The following SLC44A3 variants were observed in gnomAD, a reference collection of about 807,000 sequenced individuals.
The protein encoded by SLC44A3 is solute carrier family 44 member 3.
SLC44A3 carries 74 observed loss-of-function variants against 75.4 expected under a neutral mutation model. The ratio of observed to expected loss-of-function variants is 0.98; its 90% CI spans 0.81 to 1.19. SLC44A3 has a LOEUF of 1.19. Ranked by LOEUF, SLC44A3 falls within the 50% of genes most tolerant of loss-of-function variation. SLC44A3 has a pLI of 0.00. For synonymous variants in SLC44A3, 310 were observed against 296.9 expected (o/e 1.04, Z -0.45); for missense variants, 700 against 778.6 (o/e 0.90, Z 1.20).
At chr1:94,877,635 T>C (rs898893923) in intron 12 of SLC44A3, among the ~76,000 whole-genome samples, 1 of 152,110 alleles carries the variant, frequency 6.6e-6, no homozygotes, top group African/African-American at 2.4e-5. Flanking sequence ...AGGAAGCGGC[T>C]AAGAGAATTT....
chr1:94,827,976 G>T (rs1018691913), intron 4 of SLC44A3, among the ~76,000 whole-genome samples: 1 of 152,132 alleles, frequency 6.6e-6, no homozygotes, highest in African/African-American at 2.4e-5. Flanking sequence ...CTCCATGCAC[G>T]TGGGCACATC....
chr1:94,889,552 AC>A lies in SLC44A3; in HGVS notation c.1483-1577del, dbSNP rs150487032. Among the ~76,000 whole-genome samples the A allele has an allele frequency of 9.0e-5, 7 of 77,812 alleles. No individual in the cohort carries two copies. The East Asian group carries it at 1.4e-3, about 16-fold the overall frequency. The allele number at this position is 77,812 out of a possible 152,430, so 51.0% of individuals were successfully genotyped here. ...CACACACACACACACACACACACACACATTTGTAGTCTTTGATATAGTAATC... is the reference window on the plus strand; with the variant it reads ...CACACACACACACACACACACACACAATTTGTAGTCTTTGATATAGTAATC... On this transcript the variant is annotated intron_variant, in intron 12 of 14. Transcript: ENST00000271227.
intron 5 of SLC44A3, among the ~76,000 whole-genome samples, chr1:94,831,498 C>A (rs1662126414): frequency 1.3e-5 from 2 of 152,112 alleles, no homozygotes; most frequent in South Asian, 4.1e-4. Context: ...TATAACGTAC[C>A]CTTTTCGAGT....
At position 94,849,319 on chromosome 1, in the gene SLC44A3, A is replaced by G. The variant is rs111595728; in HGVS notation, c.1072+3855A>G. On this transcript the variant is annotated intron_variant, in intron 9 of 14. Coordinates refer to ENST00000271227, the MANE Select transcript of SLC44A3 (RefSeq NM_001114106.3). ...TGAGCAGGTCGATTTTAGGCTTCTC[A>G]GGAGAGAAGGTGCTACGCAGAGCCA... Among the ~76,000 whole-genome samples the G allele has an allele frequency of 5.1e-3, 770 of 152,250 alleles. 7 individuals carry two copies. Among genetic ancestry groups the G allele is most frequent in the African/African-American group, 0.018 (736 of 41,546 alleles).
At chr1:94,872,096 T>TTTTTTTA (rs1188361247) in intron 12 of SLC44A3, among the ~76,000 whole-genome samples, 3 of 152,168 alleles carry the variant, frequency 2.0e-5, no homozygotes, top group Non-Finnish European at 4.4e-5. Context: ...ATTCCATTTA[T>TTTTTTTA]TTTTTTATTT....
At chr1:94,841,966 G>A (rs758657833) in intron 7 of SLC44A3, 34 bp from the exon 8 acceptor site, 5 of 1,581,170 alleles carry the variant, frequency 3.2e-6, no homozygotes, top group African/African-American at 2.7e-5. Context: ...CTCATGGCGT[G>A]TGCCCTGAGC....
chr1:94,888,430 A>T (rs1669836396), intron 12 of SLC44A3, among the ~76,000 whole-genome samples: 2 of 152,158 alleles, frequency 1.3e-5, no homozygotes, highest in Admixed American at 1.3e-4. Flanking sequence ...TTGAGGATGA[A>T]TGAATAGATT....
chr1:94,842,035 T>C lies in SLC44A3; in HGVS notation c.796T>C (p.Tyr266His). The C allele has an allele frequency of 6.2e-7, 1 of 1,613,622 alleles. No homozygotes were observed. ...TGTTTTATGGTGGCTGTATTATGAC[T>C]ATACCAACGACCTCAGCATAGAATT... ...CGVLWWLYYD[Y>H]TNDLSIELDT... Residue 266 changes from tyrosine (Y) to histidine (H), a missense_variant, in exon 8 of 15, where the codon TAT becomes CAT. By Grantham distance (83) the Tyr-to-His change is moderately conservative. Coordinates refer to ENST00000271227, the MANE Select transcript of SLC44A3 (RefSeq NM_001114106.3).
intron 12 of SLC44A3, among the ~76,000 whole-genome samples, chr1:94,873,910 G>A (rs1050489538): frequency 2.0e-5 from 3 of 152,210 alleles, no homozygotes; most frequent in African/African-American, 7.2e-5. Context: ...TGCCATAATA[G>A]GTAGTCTCAT....
chr1:94,857,779 A>G (rs1210484587), intron 10 of SLC44A3, among the ~76,000 whole-genome samples: 4 of 151,250 alleles, frequency 2.6e-5, no homozygotes, highest in Non-Finnish European at 5.9e-5. Flanking sequence ...CTTGAAAGAT[A>G]AAAAGGGGCT....
At chr1:94,880,451 A>G (rs1321949393) in intron 12 of SLC44A3, among the ~76,000 whole-genome samples, 1 of 152,214 alleles carries the variant, frequency 6.6e-6, no homozygotes, top group Non-Finnish European at 1.5e-5. Flanking sequence ...AAAAGGACGA[A>G]TACTGTATGA....
intron 12 of SLC44A3, among the ~76,000 whole-genome samples, chr1:94,871,862 T>C (rs10493878): frequency 0.18 from 26,719 of 152,270 alleles, 2,386 homozygotes; most frequent in East Asian, 0.23. Context: ...TCCAAATTGG[T>C]GTCTTAACAT....
intron 12 of SLC44A3, among the ~76,000 whole-genome samples, chr1:94,883,864 G>A (rs1009160744): frequency 2.6e-5 from 4 of 152,102 alleles, no homozygotes; most frequent in Non-Finnish European, 5.9e-5. Flanking sequence ...ATACCATGGA[G>A]AGTATGAGTT....
At chr1:94,878,063 T>C (rs1668497612) in intron 12 of SLC44A3, among the ~76,000 whole-genome samples, 1 of 151,932 alleles carries the variant, frequency 6.6e-6, no homozygotes, top group Non-Finnish European at 1.5e-5. Context: ...TGAAACCCCG[T>C]CTCTACTAAA....
chr1:94,862,935 T>C (rs1015850227), intron 10 of SLC44A3, among the ~76,000 whole-genome samples: 18 of 152,284 alleles, frequency 1.2e-4, no homozygotes, highest in African/African-American at 4.3e-4. Flanking sequence ...GTTTGGCTGG[T>C]TGTGAGGGAG....
chr1:94,861,339 C>G (rs531131000), intron 10 of SLC44A3, among the ~76,000 whole-genome samples: 1 of 152,038 alleles, frequency 6.6e-6, no homozygotes, highest in Non-Finnish European at 1.5e-5. Flanking sequence ...AGCCAAAAAA[C>G]CAAGAAATAG....
At chr1:94,852,803 A>C (rs1665385864) in intron 9 of SLC44A3, among the ~76,000 whole-genome samples, 1 of 152,188 alleles carries the variant, frequency 6.6e-6, no homozygotes, top group South Asian at 2.1e-4. Flanking sequence ...GAAGACTCTG[A>C]GGGATTTTGG....
At position 94,827,623 on chromosome 1, in the gene SLC44A3, A is replaced by G; in HGVS notation, c.395A>G (p.Gln132Arg). The G allele has an allele frequency of 6.2e-7, 1 of 1,614,184 alleles. No individual in the cohort carries two copies. The highest frequency in any genetic ancestry group is 8.5e-7 in the Non-Finnish European group (1 of 1,180,024). ...CAGCTTGACTCCCTGGAAGAGGTCCAGTTCTTTGCAAACACCAGTGGTAGG... is the reference window on the plus strand; with the variant it reads ...CAGCTTGACTCCCTGGAAGAGGTCCGGTTCTTTGCAAACACCAGTGGTAGG... ...EEQLDSLEEVQFFANTSGSFL... is the reference protein window; with the variant it reads ...EEQLDSLEEVRFFANTSGSFL... The change falls in exon 4 of 15, where the codon CAG (glutamine) becomes CGG (arginine). Residue 132 changes from glutamine to arginine, a missense_variant. Physicochemically the swap from Gln to Arg is conservative, Grantham distance 43. Coordinates refer to ENST00000271227, the MANE Select transcript of SLC44A3 (RefSeq NM_001114106.3).
chr1:94,894,530 TTCTTCAAGC>T (rs1670566832), intron 14 of SLC44A3, among the ~76,000 whole-genome samples: 1 of 152,184 alleles, frequency 6.6e-6, no homozygotes. Flanking sequence ...CCACTAAGTG[TTCTTCAAGC>T]TCATTAAACT....
Sources: gnomAD v4.1 joint callset for allele counts (sites outside exome capture counted in the v4.1 genomes callset) on GRCh38, gnomAD v4.1.1 for gene constraint, MANE v1.5 for transcripts, NCBI Gene and HGNC (gene_info 2026-07-23, HGNC 2026-07-21) for gene names.